The following INTS9 variants were observed in gnomAD, a reference collection of about 807,000 sequenced individuals.
The protein encoded by INTS9 is protein related to CPSF subunits of 74 kDa.
Under a neutral mutation model 79.7 loss-of-function variants are expected in INTS9, and 55 were observed. The observed-to-expected ratio is 0.69, with a 90% CI of 0.56 to 0.86. The LOEUF (loss-of-function observed/expected upper bound fraction) is 0.86, where lower values mean the gene tolerates loss of function less well. INTS9 is among the 40% of genes least tolerant of loss of function. The pLI is 0.00. For synonymous variants in INTS9, 319 were observed against 325.2 expected (o/e 0.98, Z 0.20); for missense variants, 721 against 831.5 (o/e 0.87, Z 1.64).
chr8:28,832,283 G>C (rs1457812324), intron 6 of INTS9, among the ~76,000 whole-genome samples: 7 of 152,170 alleles, frequency 4.6e-5, no homozygotes, highest in Non-Finnish European at 7.4e-5. Flanking sequence ...CTGCACCAGG[G>C]CAGTCAGATC....
intron 1 of INTS9, among the ~76,000 whole-genome samples, chr8:28,876,075 G>T (rs555835754): frequency 6.6e-6 from 1 of 152,038 alleles, no homozygotes; most frequent in African/African-American, 2.4e-5. Context: ...TTTTTTTTGG[G>T]GGGTGTGTGT....
chr8:28,878,716 G>A (rs1019840575), intron 1 of INTS9, among the ~76,000 whole-genome samples: 4 of 150,800 alleles, frequency 2.7e-5, no homozygotes, highest in Non-Finnish European at 3.0e-5. Flanking sequence ...GGTGGCTCAC[G>A]CCTATAATCC....
At chr8:28,778,971 C>T (rs1240908150) in intron 12 of INTS9, among the ~76,000 whole-genome samples, 1 of 152,156 alleles carries the variant, frequency 6.6e-6, no homozygotes, top group African/African-American at 2.4e-5. Flanking sequence ...CCTGGAAGCC[C>T]CATAAACCAG....
At chr8:28,885,247 C>T (rs78069111) in intron 1 of INTS9, among the ~76,000 whole-genome samples, 4,736 of 152,320 alleles carry the variant, frequency 0.031, 258 homozygotes, top group African/African-American at 0.11. Flanking sequence ...GTAAACACAA[C>T]TACAGCATGT....
At chr8:28,839,342 T>G (rs1807017567) in intron 4 of INTS9, among the ~76,000 whole-genome samples, 1 of 151,830 alleles carries the variant, frequency 6.6e-6, no homozygotes, top group Admixed American at 6.6e-5. Context: ...GAAGAATCAA[T>G]ATCATGAAAA....
At chr8:28,830,529 C>T (rs759895796) in intron 6 of INTS9, among the ~76,000 whole-genome samples, 7 of 150,850 alleles carry the variant, frequency 4.6e-5, no homozygotes, top group Non-Finnish European at 8.8e-5. Context: ...CAGGTTGATA[C>T]GGGAGAATCG....
At chr8:28,878,477 T>TAA (rs34619082) in intron 1 of INTS9, among the ~76,000 whole-genome samples, 6 of 136,690 alleles carry the variant, frequency 4.4e-5, no homozygotes, top group East Asian at 2.1e-4. Flanking sequence ...CACATCCAGC[T>TAA]AAAAAAAAAA....
rs775153143 is a variant in INTS9, at chr8:28,793,798, C to T, written c.1037+9G>A. ...AATTCACAAAAAAAAAAAAAAACCA[C>T]GGACATACCACTCAGCAAAGATCTG... On this transcript the variant is annotated intron_variant, in intron 10 of 16. Transcript: ENST00000521022. The T allele has an allele frequency of 1.2e-5, 19 of 1,544,922 alleles. No individual in the cohort carries two copies. The highest frequency in any genetic ancestry group is 6.3e-5 in the Admixed American group (3 of 47,668).
intron 11 of INTS9, among the ~76,000 whole-genome samples, chr8:28,785,884 C>CGAAA (rs1803558724): frequency 6.6e-6 from 1 of 152,202 alleles, no homozygotes; most frequent in South Asian, 2.1e-4. Context: ...AGCCTTCACT[C>CGAAA]TTTCCTTATA....
chr8:28,875,892 C>T (rs1194794844), intron 1 of INTS9, among the ~76,000 whole-genome samples: 1 of 152,152 alleles, frequency 6.6e-6, no homozygotes. Context: ...AATTGTATAG[C>T]CAAACAATGG....
In INTS9 at chr8:28,867,030, T is replaced by C. The variant is rs142796664; in HGVS notation, c.10-7467A>G. On this transcript the variant is annotated intron_variant, in intron 1 of 16. Coordinates refer to ENST00000521022, the MANE Select transcript of INTS9 (RefSeq NM_018250.4). ...AGCCAGGCGTGGTGGCTCATGCCTG[T>C]AATCCTAGCACTTTGAGAGGCCGAG... Among the ~76,000 whole-genome samples the C allele has an allele frequency of 9.4e-3, 1,429 of 152,100 alleles. 26 individuals are homozygous for C. The highest frequency in any genetic ancestry group is 0.033 in the African/African-American group (1,361 of 41,458).
At chr8:28,882,924 T>A (rs960134834) in intron 1 of INTS9, among the ~76,000 whole-genome samples, 1 of 152,278 alleles carries the variant, frequency 6.6e-6, no homozygotes, top group African/African-American at 2.4e-5. Flanking sequence ...ACACAGTTAC[T>A]AGTCTTGATC....
At chr8:28,780,643 A>G (rs1803199507) in intron 12 of INTS9, 180 bp downstream of exon 12, 2 of 985,332 alleles carry the variant, frequency 2.0e-6, no homozygotes, top group African/African-American at 3.5e-5. Flanking sequence ...CCAGCTGTCC[A>G]ATGGCACACA....
chr8:28,880,197 T>C (rs1311994049), intron 1 of INTS9, among the ~76,000 whole-genome samples: 1 of 152,042 alleles, frequency 6.6e-6, no homozygotes, highest in African/African-American at 2.4e-5. Context: ...TTGCCTTTAT[T>C]TTAATGGCAT....
chr8:28,777,176 C>A (rs1802937227), intron 13 of INTS9, among the ~76,000 whole-genome samples: 1 of 152,118 alleles, frequency 6.6e-6, no homozygotes, highest in Non-Finnish European at 1.5e-5. Flanking sequence ...TCATCTCACT[C>A]CTGGGAACAC....
intron 1 of INTS9, among the ~76,000 whole-genome samples, chr8:28,865,818 T>C (rs572626195): frequency 1.4e-4 from 22 of 152,304 alleles, no homozygotes; most frequent in African/African-American, 4.6e-4. Flanking sequence ...CTGTGAAAAA[T>C]ACTGTCAGCC....
At chr8:28,837,812 C>G in intron 4 of INTS9, 36 bp from the exon 5 acceptor site, 8 of 1,575,682 alleles carry the variant, frequency 5.1e-6, no homozygotes, top group Non-Finnish European at 6.9e-6. Context: ...TATATCTGTT[C>G]AGGGATCGAT....
intron 6 of INTS9, among the ~76,000 whole-genome samples, chr8:28,814,478 AC>A (rs1327911717): frequency 6.6e-6 from 1 of 152,200 alleles, no homozygotes; most frequent in Non-Finnish European, 1.5e-5. Flanking sequence ...TGCAGAACCC[AC>A]AAAAAATATG....
At chr8:28,838,229 G>C (rs1293087043) in intron 4 of INTS9, among the ~76,000 whole-genome samples, 4 of 151,992 alleles carry the variant, frequency 2.6e-5, no homozygotes, top group Non-Finnish European at 5.9e-5. Flanking sequence ...GCCAGATGGA[G>C]AGACAACTTG....
Sources: gnomAD v4.1 joint callset for allele counts (sites outside exome capture counted in the v4.1 genomes callset) on GRCh38, gnomAD v4.1.1 for gene constraint, MANE v1.5 for transcripts, NCBI Gene and HGNC (gene_info 2026-07-23, HGNC 2026-07-21) for gene names.